Variants in RGS7 observed in about 807,000 individuals in gnomAD.
RGS7 encodes the protein regulator of G-protein signaling 7.
Under a neutral mutation model 81.1 loss-of-function variants are expected in RGS7, and 27 were observed. The ratio of observed to expected loss-of-function variants is 0.33; its 90% CI spans 0.25 to 0.46. The LOEUF (loss-of-function observed/expected upper bound fraction) is 0.46. Among genes scored for constraint, RGS7 ranks in the 20% least tolerant of loss-of-function variants. RGS7 has a pLI of 1.00. For synonymous variants in RGS7, 208 were observed against 207.7 expected (o/e 1.00, Z -0.01); for missense variants, 396 against 607.4 (o/e 0.65, Z 3.66).
intron 2 of RGS7, among the ~76,000 whole-genome samples, chr1:241,160,243 T>C (rs2069536648): frequency 6.6e-6 from 1 of 152,222 alleles, no homozygotes; most frequent in Admixed American, 6.5e-5. Context: ...CTTTGTCATC[T>C]TGTGATACAG....
chr1:240,897,380 C>A (rs1669264313), intron 6 of RGS7, among the ~76,000 whole-genome samples: 1 of 152,152 alleles, frequency 6.6e-6, no homozygotes, highest in African/African-American at 2.4e-5. Context: ...GGGAATGCTT[C>A]CAGTTTTTGC....
intron 2 of RGS7, among the ~76,000 whole-genome samples, chr1:241,348,951 C>T (rs1301446288): frequency 6.6e-6 from 1 of 152,000 alleles, no homozygotes; most frequent in Non-Finnish European, 1.5e-5. Context: ...TAGGGTACCC[C>T]ACCTGGCATA....
intron 2 of RGS7, among the ~76,000 whole-genome samples, chr1:241,280,224 A>G (rs2078427066): frequency 6.6e-6 from 1 of 152,212 alleles, no homozygotes; most frequent in Non-Finnish European, 1.5e-5. Flanking sequence ...GGAAAATGTC[A>G]TATGAAAATG....
At chr1:240,998,248 T>C (rs1414970086) in intron 3 of RGS7, among the ~76,000 whole-genome samples, 2 of 152,210 alleles carry the variant, frequency 1.3e-5, no homozygotes, top group African/African-American at 2.4e-5. Context: ...GTTTTGTGGT[T>C]GTCTGCAGTT....
At position 241,187,550 on chromosome 1, in the gene RGS7, C is replaced by T. The variant is rs79464061; in HGVS notation, c.79-88788G>A. On this transcript the variant is annotated intron_variant, in intron 2 of 18. Coordinates refer to ENST00000440928, the MANE Select transcript of RGS7 (RefSeq NM_001364886.1). Reference sequence around the variant, plus strand: ...TCCAGTTGTTTGGAATAATTGCAGTCTCGTTTCAGTCTCAGCTCTATATGC... The same window carrying T: ...TCCAGTTGTTTGGAATAATTGCAGTTTCGTTTCAGTCTCAGCTCTATATGC... 3.9e-4 allele frequency among the ~76,000 whole-genome samples: 60 copies of T among 152,224 alleles called. 1 individual carries two copies. In the East Asian group the frequency reaches 0.011, roughly 28 times the overall value.
chr1:241,306,160 CCA>C (rs899596243), intron 2 of RGS7, among the ~76,000 whole-genome samples: 1 of 148,570 alleles, frequency 6.7e-6, no homozygotes, highest in African/African-American at 2.5e-5. Flanking sequence ...TCACACACGT[CCA>C]CACACATTCA....
intron 9 of RGS7, among the ~76,000 whole-genome samples, chr1:240,839,309 T>TA (rs1558333468): frequency 1.3e-5 from 2 of 152,200 alleles, no homozygotes; most frequent in Non-Finnish European, 2.9e-5. Context: ...GGTCTCACAT[T>TA]TTAGCGAATG....
chr1:240,883,913 TAA>T, intron 6 of RGS7, among the ~76,000 whole-genome samples: 1 of 151,894 alleles, frequency 6.6e-6, no homozygotes, highest in South Asian at 2.1e-4. Flanking sequence ...CCGTCTCTAC[TAA>T]AAATACAAAA....
At chr1:240,852,798 T>C (rs1660350225) in intron 9 of RGS7, among the ~76,000 whole-genome samples, 5 of 152,158 alleles carry the variant, frequency 3.3e-5, no homozygotes, top group Admixed American at 3.3e-4. Context: ...TAAACATTAC[T>C]TTCCCCTGGC....
At chr1:240,906,924 C>T (rs1349563925) in intron 6 of RGS7, among the ~76,000 whole-genome samples, 2 of 152,164 alleles carry the variant, frequency 1.3e-5, no homozygotes, top group Non-Finnish European at 2.9e-5. Context: ...AAAGGTACAG[C>T]TGCTTAAGAA....
intron 2 of RGS7, among the ~76,000 whole-genome samples, chr1:241,235,170 T>C (rs1245078995): frequency 1.3e-5 from 2 of 152,112 alleles, no homozygotes; most frequent in Non-Finnish European, 2.9e-5. Flanking sequence ...ATAGTAACAA[T>C]GGGGTTCAAG....
At chr1:241,045,877 G>A (rs2060898562) in intron 3 of RGS7, among the ~76,000 whole-genome samples, 1 of 152,122 alleles carries the variant, frequency 6.6e-6, no homozygotes, top group Non-Finnish European at 1.5e-5. Context: ...AAGGGGCCCT[G>A]GAGTTCTATT....
chr1:240,925,452 T>C (rs574890779), intron 6 of RGS7, among the ~76,000 whole-genome samples: 7 of 152,206 alleles, frequency 4.6e-5, no homozygotes, highest in Non-Finnish European at 1.0e-4. Context: ...GCAAAGGACA[T>C]ACTTTTATTC....
intron 9 of RGS7, among the ~76,000 whole-genome samples, chr1:240,833,286 G>A (rs1219337569): frequency 6.6e-6 from 1 of 152,148 alleles, no homozygotes; most frequent in Non-Finnish European, 1.5e-5. Context: ...TGTTCCAGGT[G>A]GGGCAGAATG....
chr1:241,147,125 C>T (rs907146563), intron 2 of RGS7, among the ~76,000 whole-genome samples: 6 of 152,068 alleles, frequency 3.9e-5, no homozygotes, highest in South Asian at 4.1e-4. Flanking sequence ...CAGCCTGTCA[C>T]GTGAAATTAA....
rs369037964 is a variant in RGS7 at position 241,271,714 on chromosome 1, G to GTGCT, written c.78+83981_78+83984dup. 4.8e-4 allele frequency among the ~76,000 whole-genome samples: 73 copies of GTGCT among 152,324 alleles called. No homozygotes were observed. Among genetic ancestry groups the GTGCT allele is most frequent in the Non-Finnish European group, 7.8e-4 (53 of 68,026 alleles). ...AAGTAAGGATTCTCTCTCTGCTGGA[G>GTGCT]TGCTTGAGCTAGGACATTGGCCTTG... On this transcript the variant is annotated intron_variant, in intron 2 of 18. Coordinates refer to ENST00000440928, the MANE Select transcript of RGS7 (RefSeq NM_001364886.1). The surrounding 1 kb of genome is among the most constrained non-coding windows in gnomAD (Gnocchi z 4.6).
intron 3 of RGS7, among the ~76,000 whole-genome samples, chr1:241,077,842 C>T (rs907314669): frequency 6.6e-6 from 1 of 152,120 alleles, no homozygotes; most frequent in Non-Finnish European, 1.5e-5. Flanking sequence ...GTCACCCCTA[C>T]CCTGAGAAGT....
intron 2 of RGS7, among the ~76,000 whole-genome samples, chr1:241,294,863 A>AC (rs35005503): frequency 0.13 from 19,386 of 152,182 alleles, 1,359 homozygotes; most frequent in Middle Eastern, 0.18. Flanking sequence ...GTAGGAGGCT[A>AC]CACCATCTAG....
chr1:240,920,067 T>A (rs1350608385), intron 6 of RGS7: 1 of 971,948 alleles, frequency 1.0e-6, no homozygotes, highest in East Asian at 2.4e-5. Context: ...CATGACTGAT[T>A]GAGGCAATGG....
Sources: allele counts gnomAD v4.1 joint callset (sites outside exome capture counted in the v4.1 genomes callset), GRCh38; gene constraint gnomAD v4.1.1; non-coding constraint Gnocchi (gnomAD v3.1); transcripts MANE v1.5; gene names NCBI Gene and HGNC (gene_info 2026-07-23, HGNC 2026-07-21).